PRKD1: variants seen among roughly 807,000 people sequenced by gnomAD.
The protein encoded by PRKD1 is protein kinase D1, also known as serine/threonine-protein kinase D1.
In PRKD1, 63 loss-of-function variants were observed where a neutral mutation model predicts 95.9. That is an observed-to-expected ratio of 0.66 (90% CI 0.54 to 0.81). The LOEUF (loss-of-function observed/expected upper bound fraction) is 0.81, where lower values mean the gene tolerates loss of function less well. Among genes scored for constraint, PRKD1 ranks in the 30% least tolerant of loss-of-function variants. The probability of loss-of-function intolerance (pLI) is 0.00; values close to 1 mark genes in which losing one functional copy is unlikely to be tolerated. For synonymous variants in PRKD1, 425 were observed against 423.1 expected, an observed-to-expected ratio of 1.00 and a Z score of -0.05; for missense variants, 1,048 against 1,165.3, an observed-to-expected ratio of 0.90 and a Z score of 1.47.
chr14:29,920,557 T>C (rs547807796), intron 1 of PRKD1, among the ~76,000 whole-genome samples: 12 of 150,726 alleles, frequency 8.0e-5, no homozygotes, highest in Non-Finnish European at 1.3e-4. Flanking sequence ...TTGGTATAGT[T>C]TGAGAGCTTA....
At chr14:29,799,236 G>C (rs765970225) in intron 1 of PRKD1, among the ~76,000 whole-genome samples, 5 of 152,178 alleles carry the variant, frequency 3.3e-5, no homozygotes, top group Non-Finnish European at 4.4e-5. Flanking sequence ...AATTAAACAA[G>C]TAATTGTTTT....
chr14:29,822,425 A>C (rs1008095482), intron 1 of PRKD1, among the ~76,000 whole-genome samples: 3 of 152,186 alleles, frequency 2.0e-5, no homozygotes, highest in Admixed American at 1.3e-4. Context: ...CTAATTCAGC[A>C]AATAAAGGCT....
chr14:29,773,625 T>C (rs1339458220), intron 1 of PRKD1, among the ~76,000 whole-genome samples: 2 of 152,156 alleles, frequency 1.3e-5, no homozygotes, highest in African/African-American at 4.8e-5. Flanking sequence ...AATATAAATA[T>C]ATAATCTCAT....
intron 1 of PRKD1, among the ~76,000 whole-genome samples, chr14:29,915,201 G>C (rs892478656): frequency 6.6e-6 from 1 of 152,004 alleles, no homozygotes; most frequent in African/African-American, 2.4e-5. Flanking sequence ...CACAACACTT[G>C]GTGGCCACAT....
chr14:29,597,795 C>T (rs772997180), intron 15 of PRKD1, 37 bp from the exon 16 acceptor site: 4 of 1,575,408 alleles, frequency 2.5e-6, no homozygotes, highest in Non-Finnish European at 3.4e-6. Flanking sequence ...ACTCCGTTCA[C>T]AATTGTGTGT....
intron 16 of PRKD1, among the ~76,000 whole-genome samples, chr14:29,581,328 C>G (rs1892748080): frequency 6.6e-6 from 1 of 152,124 alleles, no homozygotes; most frequent in African/African-American, 2.4e-5. Flanking sequence ...GAATTATACG[C>G]AAATATATTA....
intron 2 of PRKD1, among the ~76,000 whole-genome samples, chr14:29,672,259 T>C (rs145159686): frequency 0.02 from 3,035 of 151,596 alleles, 107 homozygotes; most frequent in African/African-American, 0.07. Context: ...GAGAATGGCG[T>C]GAACTTGGGA....
At chr14:29,691,916 G>T (rs1052522368) in intron 2 of PRKD1, among the ~76,000 whole-genome samples, 1 of 152,136 alleles carries the variant, frequency 6.6e-6, no homozygotes, top group African/African-American at 2.4e-5. Context: ...AAAAAAAGGA[G>T]GTTTTCCCCT....
intron 1 of PRKD1, among the ~76,000 whole-genome samples, chr14:29,753,611 T>C (rs1887572525): frequency 6.6e-6 from 1 of 152,136 alleles, no homozygotes; most frequent in Non-Finnish European, 1.5e-5. Flanking sequence ...ACATATCCTT[T>C]CTCCTCCCCA....
intron 13 of PRKD1, among the ~76,000 whole-genome samples, chr14:29,616,669 G>A (rs531178864): frequency 2.6e-5 from 4 of 152,026 alleles, no homozygotes; most frequent in Non-Finnish European, 5.9e-5. Flanking sequence ...AAACAAACAC[G>A]GGTCTTACTG....
intron 2 of PRKD1, among the ~76,000 whole-genome samples, chr14:29,687,068 C>A (rs933270281): frequency 6.6e-6 from 1 of 152,012 alleles, no homozygotes; most frequent in Non-Finnish European, 1.5e-5. Context: ...GGTCAGCGAC[C>A]CCAACTCTGT....
chr14:29,669,235 G>A (rs1212627007), intron 2 of PRKD1, among the ~76,000 whole-genome samples: 1 of 152,164 alleles, frequency 6.6e-6, no homozygotes, highest in Non-Finnish European at 1.5e-5. Context: ...TTTTGCATGA[G>A]CTCCATGTTT....
At chr14:29,757,788 G>A (rs1468369403) in intron 1 of PRKD1, among the ~76,000 whole-genome samples, 1 of 152,050 alleles carries the variant, frequency 6.6e-6, no homozygotes, top group Non-Finnish European at 1.5e-5. Flanking sequence ...TGGAGACAGG[G>A]GTGAATGGCA....
Position 29,599,640 on chromosome 14 carries a change from C to G in PRKD1, c.2067+16G>C, listed in dbSNP as rs1277579996. Reference sequence around the variant, plus strand: ...ATTAAATATTGTATTTTTTCCGTCTCTAATTGATTTCTTACCTGAGTAATT... The same window carrying G: ...ATTAAATATTGTATTTTTTCCGTCTGTAATTGATTTCTTACCTGAGTAATT... On this transcript the variant is annotated intron_variant, in intron 14 of 17. Transcript: ENST00000331968. 1 of 1,597,300 alleles carries G rather than the reference C, an allele frequency of 6.3e-7. No individual in the cohort carries two copies.
intron 1 of PRKD1, among the ~76,000 whole-genome samples, chr14:29,826,562 GAATATATATATATACATATATATGATGAA>G (rs1891129501): frequency 3.5e-5 from 1 of 28,906 alleles, no homozygotes; most frequent in Admixed American, 4.2e-4. Context: ...ATATATGATG[GAATATATATATATACATATATATGATGAA>G]AATATATATA....
intron 1 of PRKD1, among the ~76,000 whole-genome samples, chr14:29,775,029 C>T (rs900133923): frequency 4.0e-5 from 6 of 151,854 alleles, no homozygotes; most frequent in Admixed American, 2.0e-4. Flanking sequence ...AAAATGACAA[C>T]ATTTAGTAAT....
intron 7 of PRKD1, 28 bp downstream of exon 7, chr14:29,636,262 T>C (rs780123629): frequency 9.9e-6 from 16 of 1,613,804 alleles, no homozygotes; most frequent in Non-Finnish European, 1.4e-5. Flanking sequence ...GTTCCCCTGT[T>C]GGCTGAGGCT....
intron 1 of PRKD1, among the ~76,000 whole-genome samples, chr14:29,796,305 G>T (rs1027871255): frequency 6.6e-6 from 1 of 151,946 alleles, no homozygotes; most frequent in African/African-American, 2.4e-5. Flanking sequence ...TTTGGAAATT[G>T]GTACGAATGT....
At chr14:29,925,072 A>G (rs985930838) in intron 1 of PRKD1, among the ~76,000 whole-genome samples, 22 of 152,176 alleles carry the variant, frequency 1.4e-4, no homozygotes, top group Admixed American at 1.4e-3. Context: ...CTAAAAAAAA[A>G]GTGAGATCTT....
Sources: gnomAD v4.1 joint callset for allele counts (sites outside exome capture counted in the v4.1 genomes callset) on GRCh38, gnomAD v4.1.1 for gene constraint, MANE v1.5 for transcripts, NCBI Gene and HGNC (gene_info 2026-07-23, HGNC 2026-07-21) for gene names.